TNKS: variants seen among roughly 807,000 people sequenced by gnomAD.
TNKS encodes the protein poly [ADP-ribose] polymerase tankyrase-1.
Under a neutral mutation model 135.8 loss-of-function variants are expected in TNKS, and 72 were observed. The observed-to-expected ratio is 0.53, with a 90% CI of 0.44 to 0.64. The LOEUF is 0.64. Ranked by LOEUF, TNKS falls within the 30% of genes least tolerant of loss-of-function variation. The probability of loss-of-function intolerance (pLI) is 0.00; values close to 1 mark genes in which losing one functional copy is unlikely to be tolerated. For synonymous variants in TNKS, 849 were observed against 649.3 expected (o/e 1.31, Z -4.68); for missense variants, 1,769 against 1,674.0 (o/e 1.06, Z -0.99).
At position 9,580,189 on chromosome 8, in the gene TNKS, T is replaced by TA. The variant is rs1300031413; in HGVS notation, c.705dup (p.Leu236ThrfsTer6). On this transcript the variant is annotated frameshift_variant, in exon 2 of 27. Coordinates refer to ENST00000310430, the MANE Select transcript of TNKS (RefSeq NM_003747.3). LOFTEE classifies it high-confidence loss of function. ...GGAAGGAAGGATGTTGTAGAACACTTACTACAGATGGGTGCTAATGTCCAC... is the reference window on the plus strand; with the variant it reads ...GGAAGGAAGGATGTTGTAGAACACTTAACTACAGATGGGTGCTAATGTCCAC... 1 of 1,614,188 alleles carries TA rather than the reference T, an allele frequency of 6.2e-7. No homozygotes were observed. Among genetic ancestry groups the TA allele is most frequent in the East Asian group, 2.2e-5 (1 of 44,880 alleles).
intron 2 of TNKS, among the ~76,000 whole-genome samples, chr8:9,607,004 G>C (rs898799343): frequency 2.0e-5 from 3 of 152,040 alleles, no homozygotes; most frequent in African/African-American, 7.2e-5. Context: ...TATGTGTCTA[G>C]ACTAGGGCTT....
chr8:9,569,454 T>C (rs1797678255), intron 1 of TNKS, among the ~76,000 whole-genome samples: 1 of 152,254 alleles, frequency 6.6e-6, no homozygotes, highest in African/African-American at 2.4e-5. Flanking sequence ...GAACTTGTGA[T>C]ACATGATACT....
intron 3 of TNKS, among the ~76,000 whole-genome samples, chr8:9,666,494 C>T (rs1294071749): frequency 2.0e-5 from 3 of 151,976 alleles, no homozygotes; most frequent in Non-Finnish European, 4.4e-5. Context: ...CCAAGGCTGG[C>T]AGATCACTTG....
intron 5 of TNKS, among the ~76,000 whole-genome samples, chr8:9,698,809 G>T (rs10794712): frequency 0.73 from 111,474 of 152,054 alleles, 41,050 homozygotes; most frequent in Middle Eastern, 0.82. Flanking sequence ...ATCTATATGA[G>T]AAAAGGCAAA....
At chr8:9,566,445 GAT>G (rs1205143231) in intron 1 of TNKS, 1 of 152,008 alleles carries the variant, frequency 6.6e-6, no homozygotes, top group Admixed American at 6.6e-5. Flanking sequence ...TATATAATAA[GAT>G]AATTTCATTA....
At chr8:9,655,751 A>G (rs1032094648) in intron 3 of TNKS, among the ~76,000 whole-genome samples, 1 of 152,200 alleles carries the variant, frequency 6.6e-6, no homozygotes, top group Non-Finnish European at 1.5e-5. Context: ...GTACGTCACC[A>G]TCATCAAAGA....
chr8:9,588,283 C>CT (rs924612367), intron 2 of TNKS, among the ~76,000 whole-genome samples: 107 of 146,564 alleles, frequency 7.3e-4, no homozygotes, highest in East Asian at 5.3e-3. Context: ...CAAATTGCTT[C>CT]TTTTTTTTTT....
intron 2 of TNKS, among the ~76,000 whole-genome samples, chr8:9,592,073 C>T (rs958332901): frequency 1.2e-4 from 18 of 152,132 alleles, no homozygotes; most frequent in Non-Finnish European, 2.5e-4. Context: ...GCCAGGTGGA[C>T]TTTAACTAAT....
rs117272067 is a variant in TNKS, at chr8:9,667,424, C to T, written c.995-12527C>T. ...TTGCTCTTATCGGGATGCTTGGCCC[C>T]TGGATGCGTAAGCCTACTGAGGGCT... is the stretch of plus-strand genomic sequence containing the variant. On this transcript the variant is annotated intron_variant, in intron 3 of 26. Coordinates refer to ENST00000310430, the MANE Select transcript of TNKS (RefSeq NM_003747.3). Among the ~76,000 whole-genome samples, 700 of 152,356 alleles carry T rather than the reference C, an allele frequency of 4.6e-3. 3 individuals carry two copies. The highest frequency in any genetic ancestry group is 5.7e-3 in the Non-Finnish European group (388 of 68,036).
chr8:9,599,528 C>G (rs1045693349), intron 2 of TNKS, among the ~76,000 whole-genome samples: 1 of 152,174 alleles, frequency 6.6e-6, no homozygotes, highest in Non-Finnish European at 1.5e-5. Context: ...TGGGACAGAA[C>G]TTTCAGTCAT....
intron 2 of TNKS, among the ~76,000 whole-genome samples, chr8:9,582,893 G>A (rs1009250823): frequency 7.2e-5 from 11 of 152,048 alleles, no homozygotes; most frequent in South Asian, 4.1e-4. Flanking sequence ...AGGGGCAGGC[G>A]CGGTGGCTCA....
intron 2 of TNKS, among the ~76,000 whole-genome samples, chr8:9,592,081 A>G (rs1463138481): frequency 6.6e-6 from 1 of 152,232 alleles, no homozygotes; most frequent in Non-Finnish European, 1.5e-5. Context: ...GACTTTAACT[A>G]ATTAGAAAAT....
intron 2 of TNKS, among the ~76,000 whole-genome samples, chr8:9,586,689 TTATAA>T (rs932353338): frequency 4.6e-5 from 7 of 151,386 alleles, no homozygotes; most frequent in Admixed American, 1.3e-4. Context: ...TATATTTAAA[TTATAA>T]TATAGTCTAT....
chr8:9,577,710 G>T (rs1798006180), intron 1 of TNKS, among the ~76,000 whole-genome samples: 1 of 152,086 alleles, frequency 6.6e-6, no homozygotes, highest in Non-Finnish European at 1.5e-5. Context: ...TTTGGGTGGG[G>T]CCACAAATCC....
chr8:9,561,549 C>A (rs764280188), intron 1 of TNKS, among the ~76,000 whole-genome samples: 5 of 152,154 alleles, frequency 3.3e-5, no homozygotes, highest in Non-Finnish European at 5.9e-5. Flanking sequence ...TTTCTTTTTA[C>A]TGCTGAGTAG....
intron 2 of TNKS, among the ~76,000 whole-genome samples, chr8:9,603,245 T>A (rs908507209): frequency 2.0e-5 from 3 of 151,956 alleles, no homozygotes; most frequent in Non-Finnish European, 4.4e-5. Context: ...TAGAGACAGG[T>A]TTTCACCATG....
chr8:9,729,088 C>A (rs1003455716), intron 13 of TNKS, among the ~76,000 whole-genome samples: 1 of 152,164 alleles, frequency 6.6e-6, no homozygotes, highest in Non-Finnish European at 1.5e-5. Flanking sequence ...TGTCTTGTTG[C>A]TGCCTCTTCT....
intron 1 of TNKS, among the ~76,000 whole-genome samples, chr8:9,560,707 T>A (rs1196030764): frequency 7.2e-5 from 11 of 151,952 alleles, no homozygotes; most frequent in African/African-American, 2.2e-4. Context: ...ATGCCCTGTC[T>A]GAGGATGTAA....
chr8:9,762,591 C>T (rs1182477268), intron 21 of TNKS, among the ~76,000 whole-genome samples: 1 of 151,998 alleles, frequency 6.6e-6, no homozygotes, highest in East Asian at 1.9e-4. Context: ...GCAGTCTGTA[C>T]AAGAAGCTCT....
Sources: allele counts gnomAD v4.1 joint callset (sites outside exome capture counted in the v4.1 genomes callset), GRCh38; gene constraint gnomAD v4.1.1; transcripts MANE v1.5; gene names NCBI Gene and HGNC (gene_info 2026-07-23, HGNC 2026-07-21).